WNT9B: variants seen among roughly 807,000 people sequenced by gnomAD.
WNT9B encodes the protein protein Wnt-9b.
A neutral mutation model predicts 30.2 loss-of-function variants in WNT9B; 12 were observed. The ratio of observed to expected loss-of-function variants is 0.40; its 90% CI spans 0.26 to 0.64. The LOEUF is 0.64. Ranked by LOEUF, WNT9B falls within the 30% of genes least tolerant of loss-of-function variation. The pLI, the probability that WNT9B is intolerant of heterozygous loss-of-function variation, is 0.42. For missense variants in WNT9B, 442 were observed against 485.2 expected (o/e 0.91, Z 0.84); for synonymous variants, 218 against 216.9 (o/e 1.01, Z -0.05).
chr17:46,839,698 A>T (rs2084676820), intron 1 of WNT9B, among the ~76,000 whole-genome samples: 1 of 151,734 alleles, frequency 6.6e-6, no homozygotes, highest in Admixed American at 6.6e-5. Flanking sequence ...CCCCGCCAAG[A>T]GGCCCCAGTG....
intron 2 of WNT9B, among the ~76,000 whole-genome samples, chr17:46,874,778 A>C (rs1250626978): frequency 6.6e-6 from 1 of 152,136 alleles, no homozygotes; most frequent in African/African-American, 2.4e-5. Context: ...GGGTTTCACC[A>C]TATTGGCCAG....
rs192754319 is a variant in WNT9B at position 46,874,766 on chromosome 17, C to T, written c.335-335C>T. On this transcript the variant is annotated intron_variant, in intron 2 of 3. Coordinates refer to ENST00000290015, the MANE Select transcript of WNT9B (RefSeq NM_003396.3). The stretch of plus-strand genomic sequence containing the variant: ...CTAATTTTTGTATTTTTAGTAGAGA[C>T]GGGGTTTCACCATATTGGCCAGACT... Among the ~76,000 whole-genome samples the T allele has an allele frequency of 3.3e-4, 50 of 152,058 alleles. No homozygotes were observed. In the East Asian group the frequency reaches 8.2e-3, roughly 25 times the overall value.
intron 1 of WNT9B, among the ~76,000 whole-genome samples, chr17:46,845,244 C>A (rs1302623091): frequency 6.6e-6 from 1 of 152,134 alleles, no homozygotes; most frequent in Non-Finnish European, 1.5e-5. Context: ...TTCACTAGTG[C>A]TTTGCCCATA....
In WNT9B at chr17:46,877,058, A is replaced by G. The variant is rs2085358104; in HGVS notation, c.*340A>G. The stretch of plus-strand genomic sequence containing the variant: ...TTGGACGGGAGAGAGGGGCTATTCC[A>G]TCTTGCTTCCTGGGATGAATGGCTT... On this transcript the variant is annotated 3_prime_UTR_variant, in exon 4 of 4. Transcript: ENST00000290015. The G allele has an allele frequency of 8.1e-6, 9 of 1,115,914 alleles. No homozygotes were observed. In the South Asian group the frequency reaches 3.9e-4, roughly 48 times the overall value. The allele number at this position is 1,115,914 out of a possible 1,614,324, so 69.1% of individuals were successfully genotyped here.
intron 1 of WNT9B, among the ~76,000 whole-genome samples, chr17:46,867,198 G>C (rs1356677869): frequency 6.6e-6 from 1 of 152,236 alleles, no homozygotes; most frequent in Non-Finnish European, 1.5e-5. Flanking sequence ...AGCTTCTTGA[G>C]GGCAGGACCG....
chr17:46,872,219 C>A (rs1453535140), intron 1 of WNT9B, among the ~76,000 whole-genome samples: 1 of 152,168 alleles, frequency 6.6e-6, no homozygotes. Context: ...CCTGGGAAAG[C>A]GTATTTTTAA....
rs59862934 is a variant in WNT9B at position 46,836,095 on chromosome 17, CGTGTGTGTGTGTGT to C, written c.95+2682_95+2695del. Among the ~76,000 whole-genome samples, 18 of 126,502 alleles carry C rather than the reference CGTGTGTGTGTGTGT, an allele frequency of 1.4e-4. No individual in the cohort carries two copies. The South Asian group carries it at 4.4e-3, about 31-fold the overall frequency. 83.0% of individuals were successfully genotyped at this position (126,502 alleles called of 152,430 possible). A position where few individuals can be genotyped will look rare whatever the true frequency, so the allele number is the denominator to read the frequency against. ...GGAACAGCAGCTGGAGAGACGCTGA[CGTGTGTGTGTGTGT>C]GTGTGTGTGTGTGTGTGTGTGTGTG... On this transcript the variant is annotated intron_variant, in intron 1 of 2. Transcript: ENST00000575372.
At chr17:46,858,258 T>G (rs2084972973) in intron 1 of WNT9B, among the ~76,000 whole-genome samples, 1 of 152,196 alleles carries the variant, frequency 6.6e-6, no homozygotes, top group African/African-American at 2.4e-5. Context: ...ATACAAGTCT[T>G]TGTCACAAGT....
chr17:46,834,752 C>T (rs895833204), intron 1 of WNT9B, among the ~76,000 whole-genome samples: 1 of 152,120 alleles, frequency 6.6e-6, no homozygotes, highest in Non-Finnish European at 1.5e-5. Flanking sequence ...AACTCAGCAC[C>T]CCTGTTATTC....
upstream of WNT9B, among the ~76,000 whole-genome samples, chr17:46,847,307 G>A (rs535480276): frequency 1.3e-5 from 2 of 152,308 alleles, no homozygotes; most frequent in South Asian, 2.1e-4. Flanking sequence ...TTCCATCCCC[G>A]AGAGCCAGTG....
chr17:46,863,040 T>C (rs536291385), intron 1 of WNT9B, among the ~76,000 whole-genome samples: 1 of 152,322 alleles, frequency 6.6e-6, no homozygotes, highest in South Asian at 2.1e-4. Flanking sequence ...CCACAGGGGC[T>C]GAGGACCATG....
rs779023636 is a variant in WNT9B, at chr17:46,872,523, C to A, written c.84C>A (p.Thr28=). 1 of 1,539,220 alleles carries A rather than the reference C, an allele frequency of 6.5e-7. No individual in the cohort carries two copies. Among genetic ancestry groups the A allele is most frequent in the African/African-American group, 1.4e-5 (1 of 73,014 alleles). ...PAAAASYFGL[T]GREVLTPFPG... Reference sequence around the variant, plus strand: ...CTCCTCTCGCTCTCTCTAGCCTGACCGGGCGGGAAGTCCTGACGCCCTTCC... The same window carrying A: ...CTCCTCTCGCTCTCTCTAGCCTGACAGGGCGGGAAGTCCTGACGCCCTTCC... Residue 28 remains threonine (T), a synonymous_variant, in exon 2 of 4, where the codon ACC becomes ACA. Transcript: ENST00000290015.
downstream of WNT9B, among the ~76,000 whole-genome samples, chr17:46,881,321 G>A (rs2085419552): frequency 2.0e-5 from 3 of 152,250 alleles, no homozygotes; most frequent in South Asian, 6.2e-4. Context: ...TCTACCCAGT[G>A]TTCCTGGGCC....
chr17:46,852,384 G>T (rs115389337), intron 1 of WNT9B, among the ~76,000 whole-genome samples: 3 of 143,184 alleles, frequency 2.1e-5, no homozygotes, highest in Non-Finnish European at 4.5e-5. Context: ...AGAGTGAGAG[G>T]GCCCAGTGTG....
At chr17:46,871,222 A>G (rs2085238651) in intron 1 of WNT9B, among the ~76,000 whole-genome samples, 1 of 151,652 alleles carries the variant, frequency 6.6e-6, no homozygotes, top group African/African-American at 2.4e-5. Flanking sequence ...TTGATCTTTT[A>G]CCCTGGCTAT....
At chr17:46,851,354 C>G, upstream of WNT9B, among the ~76,000 whole-genome samples, 1 of 150,778 alleles carries the variant, frequency 6.6e-6, no homozygotes, top group East Asian at 2.0e-4. This position sits in a 1 kb window ranked among gnomAD's most constrained non-coding sequence, Gnocchi z 4.3. Flanking sequence ...CGGGCGGGCG[C>G]GGCGCCAGGT....
intron 1 of WNT9B, among the ~76,000 whole-genome samples, chr17:46,870,982 C>G (rs995703088): frequency 6.9e-6 from 1 of 145,370 alleles, no homozygotes; most frequent in Non-Finnish European, 1.5e-5. Flanking sequence ...GCGATCTCAG[C>G]TCACTGCAGC....
At chr17:46,881,171 G>C (rs994992828), downstream of WNT9B, among the ~76,000 whole-genome samples, 3 of 152,190 alleles carry the variant, frequency 2.0e-5, no homozygotes, top group African/African-American at 7.2e-5. Flanking sequence ...GCTCAGGCCT[G>C]CCCTGCCCCA....
In WNT9B at chr17:46,838,906, C is replaced by T. The variant is rs1256716748; in HGVS notation, c.95+5466C>T. Among the ~76,000 whole-genome samples, 3 of 152,074 alleles carry T rather than the reference C, an allele frequency of 2.0e-5. No individual in the cohort carries two copies. The East Asian group carries it at 5.8e-4, about 29-fold the overall frequency. ...TTTGTTTTGTTTTCTGAGACGGAGT[C>T]GCACTCTGTCGCCCAGGCTGGAGTG... is the stretch of plus-strand genomic sequence containing the variant. On this transcript the variant is annotated intron_variant, in intron 1 of 2. Transcript: ENST00000575372.
Sources: allele counts gnomAD v4.1 joint callset (sites outside exome capture counted in the v4.1 genomes callset), GRCh38; gene constraint gnomAD v4.1.1; non-coding constraint Gnocchi (gnomAD v3.1); transcripts MANE v1.5; gene names NCBI Gene and HGNC (gene_info 2026-07-23, HGNC 2026-07-21).